The following ASIC2 variants were observed in gnomAD, a reference collection of about 807,000 sequenced individuals.
The protein encoded by ASIC2 is acid sensing ion channel subunit 2, also known as acid-sensing ion channel 2.
ASIC2 carries 25 observed loss-of-function variants against 57.3 expected under a neutral mutation model. The observed-to-expected ratio is 0.44, with a 90% CI of 0.32 to 0.61. The LOEUF (loss-of-function observed/expected upper bound fraction) is 0.61. ASIC2 is among the 20% of genes least tolerant of loss of function. The pLI is 0.06. For synonymous variants in ASIC2, 319 were observed against 307.5 expected, an observed-to-expected ratio of 1.04 and a Z score of -0.39; for missense variants, 641 against 738.1, an observed-to-expected ratio of 0.87 and a Z score of 1.52.
At chr17:33,346,608 T>G (rs1907959454) in intron 1 of ASIC2, among the ~76,000 whole-genome samples, 1 of 152,144 alleles carries the variant, frequency 6.6e-6, no homozygotes, top group Admixed American at 6.5e-5. Flanking sequence ...ACATCAAGTT[T>G]GAGATACCTG....
intron 1 of ASIC2, among the ~76,000 whole-genome samples, chr17:34,089,866 C>A (rs989923840): frequency 2.0e-5 from 3 of 152,188 alleles, no homozygotes; most frequent in African/African-American, 7.2e-5. Flanking sequence ...TCAGACAGCC[C>A]AGCAGTCGTG....
At chr17:33,820,223 C>G (rs1173024955) in intron 1 of ASIC2, among the ~76,000 whole-genome samples, 1 of 152,146 alleles carries the variant, frequency 6.6e-6, no homozygotes, top group Non-Finnish European at 1.5e-5. Context: ...ATGTCTGGAA[C>G]AAGTTGATAT....
At chr17:33,501,524 C>A (rs1215507700) in intron 1 of ASIC2, among the ~76,000 whole-genome samples, 2 of 152,190 alleles carry the variant, frequency 1.3e-5, no homozygotes, top group African/African-American at 4.8e-5. Context: ...AGTGTTGAAA[C>A]CTGTTAGTGC....
intron 1 of ASIC2, among the ~76,000 whole-genome samples, chr17:33,442,185 T>G (rs1013007526): frequency 6.6e-6 from 1 of 152,254 alleles, no homozygotes; most frequent in African/African-American, 2.4e-5. Flanking sequence ...TGTGGATTTA[T>G]AGTATGTTTT....
intron 1 of ASIC2, among the ~76,000 whole-genome samples, chr17:34,130,575 C>G (rs970356054): frequency 6.6e-6 from 1 of 152,208 alleles, no homozygotes; most frequent in African/African-American, 2.4e-5. Context: ...TGTCTTTGGT[C>G]TTATAAGCTT....
chr17:33,309,973 G>A (rs1906340094), intron 1 of ASIC2, among the ~76,000 whole-genome samples: 1 of 147,250 alleles, frequency 6.8e-6, no homozygotes, highest in Non-Finnish European at 1.5e-5. Context: ...GCAAGATGAT[G>A]TATTTATCAG....
rs112449881 is a variant in ASIC2, at chr17:33,844,677, A to G, written c.555+311301T>C. Among the ~76,000 whole-genome samples the G allele has an allele frequency of 1.7e-3, 263 of 152,332 alleles. 1 individual carries two copies. Among genetic ancestry groups the G allele is most frequent in the Non-Finnish European group, 3.0e-3 (202 of 68,032 alleles). On this transcript the variant is annotated intron_variant, in intron 1 of 9. Coordinates refer to the ASIC2 transcript ENST00000359872. ...GTGGTGACTTGCATTTCTGTAAGCC[A>G]GCAAAGGAAGAAATAAATTTCCTCA... is the stretch of plus-strand genomic sequence containing the variant.
chr17:33,962,508 T>C (rs956666022), intron 1 of ASIC2, among the ~76,000 whole-genome samples: 11 of 152,342 alleles, frequency 7.2e-5, no homozygotes, highest in Admixed American at 1.3e-4. Context: ...GCTATTCTAA[T>C]GCCTTGTAAA....
At chr17:33,857,241 C>G (rs1173809294) in intron 1 of ASIC2, among the ~76,000 whole-genome samples, 1 of 152,152 alleles carries the variant, frequency 6.6e-6, no homozygotes, top group African/African-American at 2.4e-5. Flanking sequence ...GACTAGAACT[C>G]TAAACCCCAA....
intron 1 of ASIC2, among the ~76,000 whole-genome samples, chr17:34,054,890 G>A (rs1908708991): frequency 6.6e-6 from 1 of 152,174 alleles, no homozygotes; most frequent in South Asian, 2.1e-4. Flanking sequence ...AGATAGATGA[G>A]CAAGTAACCA....
chr17:33,825,932 G>A (rs935583811), intron 1 of ASIC2, among the ~76,000 whole-genome samples: 2 of 152,052 alleles, frequency 1.3e-5, no homozygotes. Flanking sequence ...ATACTTGAAA[G>A]TTCATTTAAT....
chr17:33,073,144 C>T (rs2092076083), intron 3 of ASIC2, among the ~76,000 whole-genome samples: 1 of 152,206 alleles, frequency 6.6e-6, no homozygotes, highest in Admixed American at 6.5e-5. Context: ...AATCAGGACA[C>T]AGATAACAGC....
At chr17:33,776,564 AG>A (rs1368597455) in intron 1 of ASIC2, among the ~76,000 whole-genome samples, 6 of 152,322 alleles carry the variant, frequency 3.9e-5, no homozygotes, top group African/African-American at 1.2e-4. Context: ...CAACTGCTAC[AG>A]GGCTGCTGGC....
rs142796453 is a variant in ASIC2 at position 33,560,136 on chromosome 17, G to T, written c.556-448069C>A. ...GAGGCAAGGCAAGGAAAGCTTTCTT[G>T]GACCTCGGTTGGCTGTGTTCACAGA... On this transcript the variant is annotated intron_variant, in intron 1 of 9. Coordinates refer to the ASIC2 transcript ENST00000359872. Among the ~76,000 whole-genome samples, 17 of 152,300 alleles carry T rather than the reference G, an allele frequency of 1.1e-4. No individual in the cohort carries two copies. The East Asian group carries it at 1.7e-3, about 16-fold the overall frequency.
intron 1 of ASIC2, among the ~76,000 whole-genome samples, chr17:33,132,610 T>G (rs1365636157): frequency 6.6e-6 from 1 of 152,220 alleles, no homozygotes; most frequent in East Asian, 1.9e-4. Context: ...TGTGCGCTCA[T>G]GCACACTTGC....
chr17:33,953,179 G>A (rs1227481993), intron 1 of ASIC2, among the ~76,000 whole-genome samples: 1 of 152,112 alleles, frequency 6.6e-6, no homozygotes, highest in Non-Finnish European at 1.5e-5. Context: ...CCACTGAGAT[G>A]TGAGATTTTG....
At chr17:33,945,411 G>A (rs1455441464) in intron 1 of ASIC2, among the ~76,000 whole-genome samples, 3 of 152,056 alleles carry the variant, frequency 2.0e-5, no homozygotes, top group Admixed American at 6.5e-5. Flanking sequence ...GGAACAAGGA[G>A]GCATAATTGG....
rs75699117 is a variant in ASIC2 at position 34,093,056 on chromosome 17, G to A, written c.555+62922C>T. ...CTCTGGTTTATTACTTTTCCCTGCT[G>A]AAACGTTTATTATTTCAGAACACCA... On this transcript the variant is annotated intron_variant, in intron 1 of 9. Coordinates refer to the ASIC2 transcript ENST00000359872. 6.6e-5 allele frequency among the ~76,000 whole-genome samples: 10 copies of A among 152,250 alleles called. No individual in the cohort carries two copies. The East Asian group carries it at 1.9e-3, about 29-fold the overall frequency.
intron 1 of ASIC2, among the ~76,000 whole-genome samples, chr17:33,290,229 C>T (rs1300994910): frequency 6.6e-6 from 1 of 152,226 alleles, no homozygotes; most frequent in Non-Finnish European, 1.5e-5. Flanking sequence ...CTGGTCTGAC[C>T]GGCATCATGC....
Sources: allele counts gnomAD v4.1 joint callset (sites outside exome capture counted in the v4.1 genomes callset), GRCh38; gene constraint gnomAD v4.1.1; transcripts MANE v1.5; gene names NCBI Gene and HGNC (gene_info 2026-07-23, HGNC 2026-07-21).